Variants in GYG1 observed in about 807,000 individuals in gnomAD.
GYG1 encodes the protein glycogenin 1, also known as glycogenin-1.
A neutral mutation model predicts 41.9 loss-of-function variants in GYG1; 44 were observed. That is an observed-to-expected ratio of 1.05 (90% CI 0.83 to 1.35). The LOEUF (loss-of-function observed/expected upper bound fraction) is 1.35, where lower values mean the gene tolerates loss of function less well. Ranked by LOEUF, GYG1 falls within the 40% of genes most tolerant of loss-of-function variation. The pLI is 0.00. For missense variants in GYG1, 429 were observed against 418.9 expected (o/e 1.02, Z -0.21); for synonymous variants, 141 against 158.1 (o/e 0.89, Z 0.81).
chr3:149,025,229 G>T (rs2107923067), intron 6 of GYG1, among the ~76,000 whole-genome samples: 3 of 152,296 alleles, frequency 2.0e-5, no homozygotes, highest in Admixed American at 2.0e-4. Flanking sequence ...CAGTATGGGG[G>T]ATGGTTTCAG....
Position 148,996,390 on chromosome 3 carries a change from C to T in GYG1, c.232C>T (p.Pro78Ser), listed in dbSNP as rs1360251199. 5 of 1,612,300 alleles carry T rather than the reference C, an allele frequency of 3.1e-6. No individual in the cohort carries two copies. The highest frequency in any genetic ancestry group is 4.2e-6 in the Non-Finnish European group (5 of 1,179,044). Residue 78 changes from proline (P) to serine (S), a missense_variant, in exon 3 of 8, where the codon CCA becomes TCA. Coordinates refer to ENST00000345003, the MANE Select transcript of GYG1 (RefSeq NM_004130.4). ...DSAHLTLMKR[P>S]ELGVTLTKLH... ...TGCTCATCTAACCTTAATGAAGAGG[C>T]CAGAGTTGGGTGTCACGCTGACAAA...
intron 4 of GYG1, among the ~76,000 whole-genome samples, chr3:148,997,448 A>G (rs1034011257): frequency 2.0e-5 from 3 of 152,206 alleles, no homozygotes; most frequent in Non-Finnish European, 2.9e-5. Context: ...TGCAGGGCCA[A>G]AAAGTAGAAC....
chr3:149,022,767 G>A (rs1194963835), intron 5 of GYG1, among the ~76,000 whole-genome samples: 1 of 151,898 alleles, frequency 6.6e-6, no homozygotes, highest in Admixed American at 6.6e-5. Context: ...GTGCTGGGAT[G>A]ACAGGTGTAA....
chr3:148,994,326 C>T (rs1444233431), intron 2 of GYG1, 49 bp downstream of exon 2: 13 of 1,592,712 alleles, frequency 8.2e-6, no homozygotes, highest in Non-Finnish European at 9.5e-6. Context: ...TGACATCCTT[C>T]TCCCTGTTGC....
chr3:149,002,033 A>G (rs1713121165), intron 4 of GYG1, among the ~76,000 whole-genome samples: 1 of 152,130 alleles, frequency 6.6e-6, no homozygotes, highest in Non-Finnish European at 1.5e-5. Context: ...ACCTAAAAAT[A>G]CTTTGTCGTT....
chr3:149,026,336 G>A lies in GYG1; in HGVS notation c.829-116G>A. The A allele has an allele frequency of 3.9e-6, 3 of 776,494 alleles. No individual in the cohort carries two copies. In the South Asian group the frequency reaches 4.1e-5, roughly 11 times the overall value. 48.1% of individuals were successfully genotyped at this position (776,494 alleles called of 1,614,324 possible). A position where few individuals can be genotyped will look rare whatever the true frequency, so the allele number is the denominator to read the frequency against. On this transcript the variant is annotated intron_variant, in intron 6 of 7. Transcript: ENST00000345003. ...GATTCTTTCTGAAATGTAGCCTGTT[G>A]GGTATCATTTTGTTTAAGTTCTCAA...
At chr3:149,011,622 A>AG (rs1293720186) in intron 5 of GYG1, among the ~76,000 whole-genome samples, 2 of 152,172 alleles carry the variant, frequency 1.3e-5, no homozygotes, top group Non-Finnish European at 2.9e-5. Context: ...TTAAGTTTTG[A>AG]GGGGTAAGAC....
chr3:149,026,129 G>A (rs1231665019), intron 6 of GYG1, among the ~76,000 whole-genome samples: 2 of 152,206 alleles, frequency 1.3e-5, no homozygotes, highest in Non-Finnish European at 2.9e-5. Context: ...AAGGAAAGGT[G>A]AAGATGGGAA....
At chr3:149,014,867 C>CA (rs113311454) in intron 5 of GYG1, among the ~76,000 whole-genome samples, 4,054 of 110,916 alleles carry the variant, frequency 0.037, 72 homozygotes, top group South Asian at 0.074. Flanking sequence ...GACTCTGTCT[C>CA]AAAAAAAAAA....
chr3:148,995,639 A>C (rs929570188), intron 2 of GYG1, among the ~76,000 whole-genome samples: 1 of 152,212 alleles, frequency 6.6e-6, no homozygotes, highest in Admixed American at 6.5e-5. Context: ...AAAAACGTCA[A>C]GTTTACTGTG....
At chr3:149,002,635 G>A (rs923076586) in intron 4 of GYG1, among the ~76,000 whole-genome samples, 1 of 152,222 alleles carries the variant, frequency 6.6e-6, no homozygotes, top group Middle Eastern at 3.4e-3. Flanking sequence ...CCCAAGAGCT[G>A]GGCTTTCATA....
At chr3:148,997,133 G>A (rs1712849492) in intron 4 of GYG1, among the ~76,000 whole-genome samples, 1 of 151,754 alleles carries the variant, frequency 6.6e-6, no homozygotes, top group African/African-American at 2.4e-5. Flanking sequence ...ACTATGATAG[G>A]CAATTTTATA....
At chr3:149,017,984 A>G (rs766311172) in intron 5 of GYG1, among the ~76,000 whole-genome samples, 1 of 152,084 alleles carries the variant, frequency 6.6e-6, no homozygotes, top group Non-Finnish European at 1.5e-5. Flanking sequence ...GGGAGAGAGA[A>G]AACACTAGAA....
chr3:149,009,189 A>G (rs775943251), intron 4 of GYG1, 87 bp from the exon 5 acceptor site: 8 of 1,017,038 alleles, frequency 7.9e-6, no homozygotes, highest in African/African-American at 1.6e-5. Flanking sequence ...ATTAGTGTCT[A>G]TTTTTAAAGG....
intron 4 of GYG1, among the ~76,000 whole-genome samples, chr3:149,003,362 C>T (rs1316850513): frequency 6.6e-6 from 1 of 152,004 alleles, no homozygotes; most frequent in African/African-American, 2.4e-5. Flanking sequence ...GTGATCCACC[C>T]ACCTCGGCCT....
At chr3:149,009,201 C>G in intron 4 of GYG1, 75 bp from the exon 5 acceptor site, 1 of 1,114,178 alleles carries the variant, frequency 9.0e-7, no homozygotes, top group Non-Finnish European at 1.4e-6. Context: ...TTTTAAAGGT[C>G]CAGTTATGTG....
intron 4 of GYG1, among the ~76,000 whole-genome samples, chr3:148,997,576 A>G (rs1341066287): frequency 6.6e-6 from 1 of 152,230 alleles, no homozygotes; most frequent in Non-Finnish European, 1.5e-5. Context: ...GATCAAATGA[A>G]TTAGTAAGTG....
At chr3:149,021,611 C>G (rs1315588666) in intron 5 of GYG1, among the ~76,000 whole-genome samples, 1 of 152,102 alleles carries the variant, frequency 6.6e-6, no homozygotes, top group African/African-American at 2.4e-5. Flanking sequence ...GTTGTGTGAC[C>G]TTGGGCATCT....
Position 149,028,464 on chromosome 3 carries a change from G to A in GYG1, c.*1531G>A, listed in dbSNP as rs1714767516. ...CAAAGATTTATTTAAGTGCCTCCATGTGTCAGATGCTGTGGTACAAAGAAG... is the reference window on the plus strand; with the variant it reads ...CAAAGATTTATTTAAGTGCCTCCATATGTCAGATGCTGTGGTACAAAGAAG... On this transcript the variant is annotated 3_prime_UTR_variant, in exon 8 of 8. Transcript: ENST00000345003. Among the ~76,000 whole-genome samples the A allele has an allele frequency of 6.6e-6, 1 of 152,170 alleles. No homozygotes were observed. Among genetic ancestry groups the A allele is most frequent in the Admixed American group, 6.5e-5 (1 of 15,284 alleles).
Sources: allele counts gnomAD v4.1 joint callset (sites outside exome capture counted in the v4.1 genomes callset), GRCh38; gene constraint gnomAD v4.1.1; transcripts MANE v1.5; gene names NCBI Gene and HGNC (gene_info 2026-07-23, HGNC 2026-07-21).